Variants in FAM135A observed in about 807,000 individuals in gnomAD.
The protein encoded by FAM135A is family with sequence similarity 135 member A.
In FAM135A, 79 loss-of-function variants were observed where a neutral mutation model predicts 146.8. That is an observed-to-expected ratio of 0.54 (90% CI 0.45 to 0.65). The LOEUF (loss-of-function observed/expected upper bound fraction) is 0.65, where lower values mean the gene tolerates loss of function less well. FAM135A is among the 30% of genes least tolerant of loss of function. FAM135A has a pLI of 0.00. For synonymous variants in FAM135A, 562 were observed against 603.6 expected (o/e 0.93, Z 1.01); for missense variants, 1,623 against 1,758.2 (o/e 0.92, Z 1.38).
chr6:70,456,238 A>G (rs760809319), intron 5 of FAM135A, among the ~76,000 whole-genome samples: 1 of 152,220 alleles, frequency 6.6e-6, no homozygotes, highest in Admixed American at 6.5e-5. Flanking sequence ...TTCAGTTACT[A>G]TATAGTCTTA....
At position 70,523,641 on chromosome 6, in the gene FAM135A, T is replaced by C. The variant is rs111757906; in HGVS notation, c.1104-326T>C. 5.2e-3 allele frequency among the ~76,000 whole-genome samples: 785 copies of C among 152,310 alleles called. 5 individuals are homozygous for C. Among genetic ancestry groups the C allele is most frequent in the African/African-American group, 0.018 (735 of 41,584 alleles). On this transcript the variant is annotated intron_variant, in intron 13 of 21. Transcript: ENST00000418814. ...AGTTAAGCTTTTGGTATTTCTCTTA[T>C]ATGTGATTTGCAGCAGATTTAGAAG... is the stretch of plus-strand genomic sequence containing the variant.
At chr6:70,486,150 G>A (rs1161712011) in intron 10 of FAM135A, 2 of 1,612,100 alleles carry the variant, frequency 1.2e-6, no homozygotes, top group South Asian at 2.2e-5. Flanking sequence ...AGTGCTGTGT[G>A]CAATCCTTAT....
chr6:70,461,199 T>A (rs531536424), intron 5 of FAM135A, among the ~76,000 whole-genome samples: 17 of 152,300 alleles, frequency 1.1e-4, no homozygotes, highest in African/African-American at 3.4e-4. Flanking sequence ...AACAAAATAG[T>A]GACTTGGAAT....
rs371511905 is a variant in FAM135A at position 70,557,080 on chromosome 6, C to T, written c.4342+217C>T. The T allele has an allele frequency of 2.2e-4, 128 of 570,574 alleles. 1 individual carries two copies. In the South Asian group the frequency reaches 2.9e-3, roughly 13 times the overall value. The allele number at this position is 570,574 out of a possible 1,614,324, so 35.3% of individuals were successfully genotyped here. On this transcript the variant is annotated intron_variant, in intron 21 of 21. Coordinates refer to ENST00000418814, the MANE Select transcript of FAM135A (RefSeq NM_001162529.3). The stretch of plus-strand genomic sequence containing the variant: ...AATACTTTCATCTAATTACAAATGC[C>T]TCTCCATTTTGCTGCCTCAGAAGTA...
At chr6:70,503,531 A>G (rs981494358) in intron 12 of FAM135A, 7 of 152,184 alleles carry the variant, frequency 4.6e-5, no homozygotes, top group Admixed American at 4.6e-4. Context: ...ACACCCTTTC[A>G]GTTATTATCC....
intron 11 of FAM135A, among the ~76,000 whole-genome samples, chr6:70,496,523 A>G (rs1353795534): frequency 1.3e-5 from 2 of 152,084 alleles, no homozygotes; most frequent in Non-Finnish European, 2.9e-5. Flanking sequence ...CCATTTGTCA[A>G]TTTTGGCTTT....
chr6:70,452,976 G>C (rs1303305087), intron 5 of FAM135A, among the ~76,000 whole-genome samples: 1 of 151,890 alleles, frequency 6.6e-6, no homozygotes, highest in African/African-American at 2.4e-5. Flanking sequence ...TCTGGATTAG[G>C]TTCTCTATTT....
At position 70,526,218 on chromosome 6, in the gene FAM135A, C is replaced by T. The variant is rs1364578543; in HGVS notation, c.3134C>T (p.Ser1045Phe). Reference protein sequence around the residue: ...KQGLVENYFGSQSSTDISDTC... With the variant: ...KQGLVENYFGFQSSTDISDTC... ...GGGCTTGTGGAAAATTATTTTGGTTCTCAAAGCAGTACGGATATTTCTGAC... is the reference window on the plus strand; with the variant it reads ...GGGCTTGTGGAAAATTATTTTGGTTTTCAAAGCAGTACGGATATTTCTGAC... Residue 1045 changes from serine (S) to phenylalanine (F), a missense_variant, in exon 15 of 22, where the codon TCT becomes TTT. By Grantham distance (155) the Ser-to-Phe change is radical. Around this residue, in one of 7 missense-constraint regions of FAM135A, gnomAD observed 1,061 missense variants for 1,113.8 expected, o/e 0.95. Coordinates refer to ENST00000418814, the MANE Select transcript of FAM135A (RefSeq NM_001162529.3). The T allele has an allele frequency of 6.2e-7, 1 of 1,613,330 alleles. No individual in the cohort carries two copies. The highest frequency in any genetic ancestry group is 8.5e-7 in the Non-Finnish European group (1 of 1,179,586).
intron 10 of FAM135A, chr6:70,486,128 A>G: frequency 1.3e-6 from 2 of 1,568,110 alleles, no homozygotes; most frequent in East Asian, 4.5e-5. Context: ...TTGTGAAAGG[A>G]GTATAGTAAC....
Position 70,525,075 on chromosome 6 carries a change from A to G in FAM135A, c.1991A>G (p.Lys664Arg). Reference protein sequence around the residue: ...VRTIEIKPSNKDPFSGENITV... With the variant: ...VRTIEIKPSNRDPFSGENITV... ...ACAATTGAAATAAAGCCCAGTAATA[A>G]AGATCCTTTCAGTGGAGAGAATATA... The change falls in exon 15 of 22, where the codon AAA becomes AGA. Residue 664 changes from lysine to arginine, a missense_variant. Around this residue, in one of 7 missense-constraint regions of FAM135A, gnomAD observed 1,061 missense variants for 1,113.8 expected, o/e 0.95. Transcript: ENST00000418814. 6.3e-7 allele frequency: 1 copy of G among 1,580,704 alleles called. No individual in the cohort carries two copies. The highest frequency in any genetic ancestry group is 1.9e-5 in the Admixed American group (1 of 52,866).
chr6:70,507,324 T>C (rs145581770), intron 12 of FAM135A, among the ~76,000 whole-genome samples: 97 of 152,244 alleles, frequency 6.4e-4, no homozygotes, highest in African/African-American at 2.1e-3. Context: ...TAATAAAATA[T>C]CTTGTTCTTC....
chr6:70,462,464 A>G (rs781776502), intron 5 of FAM135A, among the ~76,000 whole-genome samples: 10 of 152,170 alleles, frequency 6.6e-5, no homozygotes, highest in Non-Finnish European at 1.2e-4. Context: ...AGTAGCCAGT[A>G]TTAGTACTAA....
chr6:70,544,342 C>T (rs1798463634), intron 20 of FAM135A, among the ~76,000 whole-genome samples: 2 of 151,786 alleles, frequency 1.3e-5, no homozygotes, highest in African/African-American at 4.8e-5. Context: ...AGTTCGAGAC[C>T]ATCCTGACCA....
chr6:70,499,565 C>T (rs1180746879), intron 11 of FAM135A, among the ~76,000 whole-genome samples: 2 of 152,090 alleles, frequency 1.3e-5, no homozygotes. Flanking sequence ...AATGCTGTTT[C>T]TTCATAGTGT....
chr6:70,433,241 A>AT (rs1157269108), intron 4 of FAM135A, among the ~76,000 whole-genome samples: 2 of 151,856 alleles, frequency 1.3e-5, no homozygotes, highest in Non-Finnish European at 2.9e-5. Flanking sequence ...CACCCAGCTA[A>AT]TTTTTTGTAT....
chr6:70,436,123 G>T (rs893508854), intron 4 of FAM135A, among the ~76,000 whole-genome samples: 1 of 151,712 alleles, frequency 6.6e-6, no homozygotes, highest in African/African-American at 2.4e-5. Context: ...GGCGGAGGTT[G>T]CAGTGAGCTG....
At position 70,552,759 on chromosome 6, in the gene FAM135A, C is replaced by T. The variant is rs147480268; in HGVS notation, c.4229-3991C>T. 4.3e-4 allele frequency among the ~76,000 whole-genome samples: 66 copies of T among 152,032 alleles called. 1 individual carries two copies. The East Asian group carries it at 9.7e-3, about 22-fold the overall frequency. On this transcript the variant is annotated intron_variant, in intron 20 of 21. Coordinates refer to ENST00000418814, the MANE Select transcript of FAM135A (RefSeq NM_001162529.3). ...CTAGGATTACAGGCACGAGCCACTG[C>T]GCCCAGCCAAACTGCTTCAGTTCTA...
At chr6:70,493,407 A>G (rs1162541345) in intron 11 of FAM135A, among the ~76,000 whole-genome samples, 1 of 152,208 alleles carries the variant, frequency 6.6e-6, no homozygotes, top group Non-Finnish European at 1.5e-5. Flanking sequence ...TTAAATGTTT[A>G]AAAATAACAT....
chr6:70,489,852 G>A (rs1196542766), intron 10 of FAM135A, among the ~76,000 whole-genome samples: 1 of 152,152 alleles, frequency 6.6e-6, no homozygotes, highest in Non-Finnish European at 1.5e-5. Context: ...TCTAGGGTGA[G>A]TTATTGGAGG....
Sources: allele counts gnomAD v4.1 joint callset (sites outside exome capture counted in the v4.1 genomes callset), GRCh38; gene constraint gnomAD v4.1.1; regional missense constraint gnomAD v4.1.1; transcripts MANE v1.5; gene names NCBI Gene and HGNC (gene_info 2026-07-23, HGNC 2026-07-21).